Variants in EPB41L5 observed in about 807,000 individuals in gnomAD.
The protein encoded by EPB41L5 is band 4.1-like protein 5.
EPB41L5 carries 55 observed loss-of-function variants against 106.6 expected under a neutral mutation model. That is an observed-to-expected ratio of 0.52 (90% CI 0.42 to 0.65). The LOEUF is 0.65. EPB41L5 is among the 30% of genes least tolerant of loss of function. EPB41L5 has a pLI of 0.00. For synonymous variants in EPB41L5, 297 were observed against 306.7 expected (o/e 0.97, Z 0.33); for missense variants, 871 against 882.1 (o/e 0.99, Z 0.16).
chr2:120,153,943 C>T (rs2105519583), intron 20 of EPB41L5, among the ~76,000 whole-genome samples: 1 of 152,226 alleles, frequency 6.6e-6, no homozygotes, highest in Non-Finnish European at 1.5e-5. Flanking sequence ...AAAATTCTTT[C>T]TGCCACTCTC....
chr2:120,093,352 T>A, intron 14 of EPB41L5, 76 bp downstream of exon 14: 4 of 1,211,314 alleles, frequency 3.3e-6, no homozygotes, highest in Non-Finnish European at 3.7e-6. Flanking sequence ...AACAAATATT[T>A]AAGACCTATC....
At chr2:120,165,211 T>A (rs73952056) in intron 22 of EPB41L5, among the ~76,000 whole-genome samples, 43 of 152,326 alleles carry the variant, frequency 2.8e-4, no homozygotes, top group Middle Eastern at 3.4e-3. Flanking sequence ...TTTAATTTTT[T>A]AAAAAGTTTT....
At chr2:120,038,474 T>C (rs903773912) in intron 2 of EPB41L5, among the ~76,000 whole-genome samples, 2 of 152,186 alleles carry the variant, frequency 1.3e-5, no homozygotes, top group Non-Finnish European at 2.9e-5. Context: ...TGACAGTTTC[T>C]CAAAAAGTTA....
At chr2:120,117,187 G>C (rs1305648682) in intron 16 of EPB41L5, among the ~76,000 whole-genome samples, 2 of 152,154 alleles carry the variant, frequency 1.3e-5, no homozygotes, top group Non-Finnish European at 2.9e-5. Context: ...TAACTCCCAA[G>C]TGAGTTGCCA....
intron 3 of EPB41L5, among the ~76,000 whole-genome samples, chr2:120,042,995 A>G (rs1027479658): frequency 1.4e-5 from 1 of 70,030 alleles, no homozygotes; most frequent in African/African-American, 3.6e-5. Flanking sequence ...TTTTCTGGAA[A>G]TGTGTGTGTG....
intron 20 of EPB41L5, among the ~76,000 whole-genome samples, chr2:120,157,521 G>C (rs1210326551): frequency 6.6e-6 from 1 of 152,068 alleles, no homozygotes; most frequent in East Asian, 1.9e-4. Flanking sequence ...TGTAATCCCA[G>C]CAGTTAGGAA....
chr2:120,074,392 TC>T (rs1359012884), intron 5 of EPB41L5: 1 of 485,900 alleles, frequency 2.1e-6, no homozygotes, highest in African/African-American at 2.0e-5. Flanking sequence ...TTTCTTAGCA[TC>T]CTCCAAAGGT....
chr2:120,099,476 G>A (rs1215467643), intron 14 of EPB41L5, among the ~76,000 whole-genome samples: 4 of 151,448 alleles, frequency 2.6e-5, no homozygotes, highest in African/African-American at 7.3e-5. Context: ...CGCCCAGGCC[G>A]GAGTGCAGTG....
At chr2:120,033,652 G>T (rs1678859176) in intron 2 of EPB41L5, among the ~76,000 whole-genome samples, 1 of 147,914 alleles carries the variant, frequency 6.8e-6, no homozygotes. Context: ...AGGTTGCAGT[G>T]AGCTGAGACC....
At chr2:120,147,868 T>C (rs952447700) in intron 20 of EPB41L5, among the ~76,000 whole-genome samples, 2 of 152,158 alleles carry the variant, frequency 1.3e-5, no homozygotes, top group Non-Finnish European at 2.9e-5. Flanking sequence ...TTTTGAAGAA[T>C]CTATTTTTCC....
At chr2:120,141,981 C>G (rs1407518789) in intron 18 of EPB41L5, among the ~76,000 whole-genome samples, 1 of 151,992 alleles carries the variant, frequency 6.6e-6, no homozygotes, top group Non-Finnish European at 1.5e-5. Flanking sequence ...TTACCCACCT[C>G]TTGAAGTATT....
chr2:120,170,288 C>CACTT (rs1474461059), intron 24 of EPB41L5, among the ~76,000 whole-genome samples: 2 of 152,246 alleles, frequency 1.3e-5, no homozygotes, highest in Non-Finnish European at 2.9e-5. Context: ...AAACAATACA[C>CACTT]ACTTATAATC....
In EPB41L5 at chr2:120,130,036, C is replaced by T. The variant is rs569459750; in HGVS notation, c.1502-1582C>T. Among the ~76,000 whole-genome samples the T allele has an allele frequency of 2.9e-3, 438 of 150,414 alleles. 2 individuals are homozygous for T. Among genetic ancestry groups the T allele is most frequent in the African/African-American group, 0.01 (425 of 41,100 alleles). The stretch of plus-strand genomic sequence containing the variant: ...TGGCAGGCACCTGTAATCCCAGCTA[C>T]TTAGGAGGCTGAGGCAGGAGAATCA... On this transcript the variant is annotated intron_variant, in intron 17 of 24. Coordinates refer to ENST00000263713, the MANE Select transcript of EPB41L5 (RefSeq NM_020909.4).
intron 13 of EPB41L5, 138 bp from the exon 14 acceptor site, chr2:120,093,111 G>A (rs547257704): frequency 1.3e-6 from 1 of 753,652 alleles, no homozygotes; most frequent in Admixed American, 2.2e-5. Flanking sequence ...AATCATGAAA[G>A]ACCCTTTCTC....
intron 14 of EPB41L5, among the ~76,000 whole-genome samples, chr2:120,099,018 G>A (rs1408891070): frequency 1.3e-5 from 2 of 152,310 alleles, no homozygotes; most frequent in East Asian, 1.9e-4. Flanking sequence ...AAATCTGCTC[G>A]GGGTACCCGA....
At chr2:120,037,242 G>GCT (rs1679094280) in intron 2 of EPB41L5, among the ~76,000 whole-genome samples, 1 of 152,146 alleles carries the variant, frequency 6.6e-6, no homozygotes, top group African/African-American at 2.4e-5. Flanking sequence ...ATAAAACACT[G>GCT]CTGAGAGGAA....
rs1258632691 is a variant in EPB41L5 at position 120,146,264 on chromosome 2, A to G, written c.1768A>G (p.Asn590Asp). The G allele has an allele frequency of 6.2e-7, 1 of 1,610,006 alleles. No homozygotes were observed. Among genetic ancestry groups the G allele is most frequent in the Middle Eastern group, 1.7e-4 (1 of 6,052 alleles). The change falls in exon 20 of 25, where the codon AAT (asparagine) becomes GAT (aspartate). Residue 590 changes from asparagine (N) to aspartate (D), a missense_variant. Coordinates refer to ENST00000263713, the MANE Select transcript of EPB41L5 (RefSeq NM_020909.4). ...TAGCTTATTAAGTCATAAAAATGCC[A>G]ATGTTCAGGATGCTGCCACAAACAG... Reference protein sequence around the residue: ...EDSLLSHKNANVQDAATNSAV... With the variant: ...EDSLLSHKNADVQDAATNSAV...
At position 120,075,538 on chromosome 2, in the gene EPB41L5, A is replaced by G; in HGVS notation, c.452+18A>G. On this transcript the variant is annotated intron_variant, in intron 6 of 24. Coordinates refer to ENST00000263713, the MANE Select transcript of EPB41L5 (RefSeq NM_020909.4). ...AGTGGAAAGTGAGTATTAGTTATTT[A>G]AGGATAAATGCACATTTTCGTGAGT... The G allele has an allele frequency of 6.5e-7, 1 of 1,530,144 alleles. No individual in the cohort carries two copies. The highest frequency in any genetic ancestry group is 9.0e-7 in the Non-Finnish European group (1 of 1,106,722). The allele number at this position is 1,530,144 out of a possible 1,614,324, so 94.8% of individuals were successfully genotyped here. A position where few individuals can be genotyped will look rare whatever the true frequency, so the allele number is the denominator to read the frequency against.
At chr2:120,087,323 C>A in intron 11 of EPB41L5, 83 bp downstream of exon 11, 1 of 818,210 alleles carries the variant, frequency 1.2e-6, no homozygotes, top group Non-Finnish European at 2.0e-6. Context: ...AGGGAATGTA[C>A]CTCATTGTTT....
Sources: gnomAD v4.1 joint callset for allele counts (sites outside exome capture counted in the v4.1 genomes callset) on GRCh38, gnomAD v4.1.1 for gene constraint, MANE v1.5 for transcripts, NCBI Gene and HGNC (gene_info 2026-07-23, HGNC 2026-07-21) for gene names.